The following AHCYL2 variants were observed in gnomAD, a reference collection of about 807,000 sequenced individuals.
AHCYL2 encodes the protein adenosylhomocysteinase like 2.
A neutral mutation model predicts 81.4 loss-of-function variants in AHCYL2; 28 were observed. That is an observed-to-expected ratio of 0.34 (90% CI 0.25 to 0.47). The LOEUF (loss-of-function observed/expected upper bound fraction) is 0.47, where lower values mean the gene tolerates loss of function less well. Ranked by LOEUF, AHCYL2 falls within the 20% of genes least tolerant of loss-of-function variation. The pLI is 1.00. For synonymous variants in AHCYL2, 272 were observed against 290.2 expected (o/e 0.94, Z 0.64); for missense variants, 551 against 785.1 (o/e 0.70, Z 3.56).
chr7:129,317,765 C>T (rs918965852), intron 1 of AHCYL2, among the ~76,000 whole-genome samples: 7 of 152,184 alleles, frequency 4.6e-5, no homozygotes, highest in African/African-American at 1.7e-4. Context: ...GGTTACTACA[C>T]TTCCCTAGCA....
intron 1 of AHCYL2, among the ~76,000 whole-genome samples, chr7:129,367,250 G>A (rs1794157254): frequency 6.6e-6 from 1 of 152,146 alleles, no homozygotes; most frequent in Non-Finnish European, 1.5e-5. Flanking sequence ...GTTAGCTGTA[G>A]AGAAACTATC....
chr7:129,265,874 T>C (rs1183131217), intron 1 of AHCYL2, among the ~76,000 whole-genome samples: 1 of 152,192 alleles, frequency 6.6e-6, no homozygotes, highest in Non-Finnish European at 1.5e-5. Flanking sequence ...TTGGAGCAGA[T>C]AATAGCGGTG....
intron 2 of AHCYL2, chr7:129,388,209 T>A (rs1449382836): frequency 6.6e-6 from 1 of 152,010 alleles, no homozygotes; most frequent in Admixed American, 6.6e-5. Flanking sequence ...CAAACACAAA[T>A]CAGGGAAGGA....
chr7:129,353,483 T>C (rs1427321859), intron 1 of AHCYL2, among the ~76,000 whole-genome samples: 1 of 152,076 alleles, frequency 6.6e-6, no homozygotes, highest in Non-Finnish European at 1.5e-5. Context: ...TAAGGTAGTT[T>C]CTTCCTTTTA....
At chr7:129,228,956 T>C (rs1394426259) in intron 1 of AHCYL2, among the ~76,000 whole-genome samples, 1 of 152,214 alleles carries the variant, frequency 6.6e-6, no homozygotes, top group Non-Finnish European at 1.5e-5. Context: ...CATGGGAATG[T>C]GGTAGCAGTA....
At position 129,426,691 on chromosome 7, in the gene AHCYL2, C is replaced by T; in HGVS notation, c.1829+128C>T. On this transcript the variant is annotated intron_variant, in intron 16 of 16. Coordinates refer to ENST00000325006, the MANE Select transcript of AHCYL2 (RefSeq NM_015328.4). The surrounding 1 kb of genome is among the most constrained non-coding windows in gnomAD (Gnocchi z 4.3). ...AGAAAAATGAACCCACTTCCCCTCA[C>T]TGCCACCTTCAAAAGACTCTTCAAG... 1 of 1,292,808 alleles carries T rather than the reference C, an allele frequency of 7.7e-7. No individual in the cohort carries two copies. Among genetic ancestry groups the T allele is most frequent in the Non-Finnish European group, 1.0e-6 (1 of 965,428 alleles). The allele number at this position is 1,292,808 out of a possible 1,614,324, so 80.1% of individuals were successfully genotyped here. A position where few individuals can be genotyped will look rare whatever the true frequency, so the allele number is the denominator to read the frequency against.
intron 7 of AHCYL2, 126 bp from the exon 8 acceptor site, chr7:129,404,971 G>A: frequency 1.9e-6 from 1 of 529,436 alleles, no homozygotes; most frequent in Non-Finnish European, 3.4e-6. Flanking sequence ...CACCTAACAG[G>A]ATGAAACTAG....
chr7:129,382,940 T>C (rs1795034240), intron 2 of AHCYL2, among the ~76,000 whole-genome samples: 1 of 152,118 alleles, frequency 6.6e-6, no homozygotes, highest in South Asian at 2.1e-4. Context: ...ACTATAGAAA[T>C]TAACACTGGA....
chr7:129,234,428 A>T (rs1794565883), intron 1 of AHCYL2, among the ~76,000 whole-genome samples: 1 of 152,020 alleles, frequency 6.6e-6, no homozygotes, highest in Non-Finnish European at 1.5e-5. Context: ...TATTTTTAGT[A>T]GAGACGGGGT....
At chr7:129,405,804 T>G (rs1179793789) in intron 8 of AHCYL2, 32 bp from the exon 9 acceptor site, 1 of 1,586,316 alleles carries the variant, frequency 6.3e-7, no homozygotes, top group African/African-American at 1.4e-5. Flanking sequence ...CAAGAGAAGA[T>G]TTTTCTGATT....
chr7:129,424,051 G>C (rs1797241561), intron 13 of AHCYL2, among the ~76,000 whole-genome samples: 1 of 152,064 alleles, frequency 6.6e-6, no homozygotes, highest in Non-Finnish European at 1.5e-5. Flanking sequence ...AGGTGGTCAG[G>C]CTTCATAGGA....
At chr7:129,292,724 G>T (rs1324809120) in intron 1 of AHCYL2, among the ~76,000 whole-genome samples, 4 of 151,954 alleles carry the variant, frequency 2.6e-5, no homozygotes, top group African/African-American at 9.7e-5. Context: ...CCGAGATCAT[G>T]CCACTGTACT....
At chr7:129,394,824 G>C (rs1390433800) in intron 4 of AHCYL2, among the ~76,000 whole-genome samples, 2 of 152,044 alleles carry the variant, frequency 1.3e-5, no homozygotes, top group African/African-American at 2.4e-5. Context: ...TTCTCAACTA[G>C]ATCCTTTAAC....
At chr7:129,249,322 A>T (rs1044928066) in intron 1 of AHCYL2, among the ~76,000 whole-genome samples, 3 of 151,980 alleles carry the variant, frequency 2.0e-5, no homozygotes, top group African/African-American at 7.2e-5. Context: ...TAAAGTGTAC[A>T]ATTCATTGGC....
At chr7:129,376,678 T>G (rs1794704318) in intron 1 of AHCYL2, among the ~76,000 whole-genome samples, 1 of 152,218 alleles carries the variant, frequency 6.6e-6, no homozygotes, top group Non-Finnish European at 1.5e-5. Context: ...TCTAGTGGTG[T>G]GTGTACATGG....
At chr7:129,247,026 C>G (rs577770194) in intron 1 of AHCYL2, among the ~76,000 whole-genome samples, 9 of 152,138 alleles carry the variant, frequency 5.9e-5, no homozygotes, top group Non-Finnish European at 1.2e-4. Context: ...CAGTTATGAT[C>G]AATTATGGTA....
intron 6 of AHCYL2, among the ~76,000 whole-genome samples, chr7:129,400,633 A>G (rs1795988033): frequency 6.6e-6 from 1 of 152,172 alleles, no homozygotes; most frequent in South Asian, 2.1e-4. Context: ...CATTAGAAAC[A>G]TTAAAGCACT....
chr7:129,359,070 A>G (rs578005687), intron 1 of AHCYL2, among the ~76,000 whole-genome samples: 1 of 152,262 alleles, frequency 6.6e-6, no homozygotes, highest in South Asian at 2.1e-4. Context: ...CAGCAACATT[A>G]TTTTTTTATA....
At chr7:129,234,361 C>T (rs572120027) in intron 1 of AHCYL2, among the ~76,000 whole-genome samples, 6 of 152,284 alleles carry the variant, frequency 3.9e-5, no homozygotes, top group African/African-American at 1.4e-4. Context: ...TCTGCTGCCT[C>T]GGCCTCTCAA....
Sources: allele counts gnomAD v4.1 joint callset (sites outside exome capture counted in the v4.1 genomes callset), GRCh38; gene constraint gnomAD v4.1.1; non-coding constraint Gnocchi (gnomAD v3.1); transcripts MANE v1.5; gene names NCBI Gene and HGNC (gene_info 2026-07-23, HGNC 2026-07-21).